ZNF626: variants seen among roughly 807,000 people sequenced by gnomAD.
ZNF626 encodes CTC-513N18.7.
Under a neutral mutation model 11.7 loss-of-function variants are expected in ZNF626, and 4 were observed. The observed-to-expected ratio is 0.34, with a 90% CI of 0.17 to 0.78. The LOEUF (loss-of-function observed/expected upper bound fraction) is 0.78. Ranked by LOEUF, ZNF626 falls within the 30% of genes least tolerant of loss-of-function variation. ZNF626 has a pLI of 0.57. For missense variants in ZNF626, 588 were observed against 587.1 expected (o/e 1.00, Z -0.01); for synonymous variants, 179 against 198.6 (o/e 0.90, Z 0.83).
intron 3 of ZNF626, among the ~76,000 whole-genome samples, chr19:20,641,617 T>TTTATTTTGAGA (rs1555771472): frequency 1.3e-5 from 2 of 152,128 alleles, no homozygotes; most frequent in Non-Finnish European, 2.9e-5. Context: ...TGAGACAGGG[T>TTTATTTTGAGA]CTCACTCTGT....
At chr19:20,635,290 G>A (rs1046276029) in intron 3 of ZNF626, among the ~76,000 whole-genome samples, 1 of 152,164 alleles carries the variant, frequency 6.6e-6, no homozygotes, top group South Asian at 2.1e-4. Flanking sequence ...TTCTAGTGAT[G>A]TTGCATAACA....
At chr19:20,646,198 G>T (rs1457016435) in intron 2 of ZNF626, 81 bp downstream of exon 2, 4 of 1,422,480 alleles carry the variant, frequency 2.8e-6, no homozygotes, top group East Asian at 2.6e-5. Context: ...TTTATGCAAA[G>T]AATAAATTAC....
chr19:20,645,292 A>T, intron 3 of ZNF626: 2 of 1,512,238 alleles, frequency 1.3e-6, no homozygotes, highest in South Asian at 1.3e-5. Context: ...GACATTTCAG[A>T]TCTGATGCAA....
chr19:20,634,064 G>A (rs543355061), intron 3 of ZNF626, among the ~76,000 whole-genome samples: 1 of 152,206 alleles, frequency 6.6e-6, no homozygotes, highest in African/African-American at 2.4e-5. Context: ...AAAAGACAAA[G>A]AAGGACATTA....
chr19:20,632,408 G>A (rs1568456567), intron 3 of ZNF626, among the ~76,000 whole-genome samples: 3 of 152,204 alleles, frequency 2.0e-5, no homozygotes, highest in South Asian at 4.1e-4. Flanking sequence ...CATTCTCCCC[G>A]TCACTTTTAG....
At chr19:20,646,804 G>GT (rs531044441) in intron 1 of ZNF626, among the ~76,000 whole-genome samples, 2,557 of 151,958 alleles carry the variant, frequency 0.017, 86 homozygotes, top group African/African-American at 0.06. Context: ...CGTTATGCAG[G>GT]TTTTTTTTCC....
rs8110802 is a variant in ZNF626 at position 20,625,608 on chromosome 19, C to G, written c.269G>C (p.Ser90Thr). The part of the protein sequence containing the change: ...HFAQDLWPEQ[S>T]MKDSFQKVVL... ...CACTTTTTGGAAAGAATCTTTCATG[C>G]TCTGCTCTGGCCAAAGGTCTTGGGC... The change falls in exon 4 of 4, where the codon AGC (serine) becomes ACC (threonine). Residue 90 changes from serine (S) to threonine (T), a missense_variant. By Grantham distance (58) the Ser-to-Thr change is moderately conservative. Coordinates refer to ENST00000601440, the MANE Select transcript of ZNF626 (RefSeq NM_001076675.3). 3.8e-6 allele frequency: 6 copies of G among 1,587,790 alleles called. No individual in the cohort carries two copies. Among genetic ancestry groups the G allele is most frequent in the East Asian group, 2.2e-5 (1 of 44,722 alleles).
At chr19:20,633,490 G>C (rs1274702211) in intron 3 of ZNF626, among the ~76,000 whole-genome samples, 1 of 151,324 alleles carries the variant, frequency 6.6e-6, no homozygotes, top group African/African-American at 2.4e-5. Flanking sequence ...CTCGGCAATG[G>C]TGGGCGCCCC....
rs542772694 is a variant in ZNF626, at chr19:20,623,971, G to C, written c.*319C>G. 4.1e-6 allele frequency: 2 copies of C among 492,392 alleles called. No homozygotes were observed. Among genetic ancestry groups the C allele is most frequent in the African/African-American group, 3.9e-5 (2 of 51,196 alleles). 30.5% of individuals were successfully genotyped at this position (492,392 alleles called of 1,614,324 possible). A position where few individuals can be genotyped will look rare whatever the true frequency, so the allele number is the denominator to read the frequency against. On this transcript the variant is annotated 3_prime_UTR_variant, in exon 4 of 4. Transcript: ENST00000601440. ...TATATTTCATATCAATTCTTAGTTA[G>C]AAATTGAGGGCTGGTTAAAAGATTT...
At chr19:20,626,896 C>T (rs778985891) in intron 3 of ZNF626, among the ~76,000 whole-genome samples, 5 of 151,904 alleles carry the variant, frequency 3.3e-5, no homozygotes, top group Non-Finnish European at 5.9e-5. Context: ...CCACCTGTAA[C>T]CCCAGCTACT....
intron 1 of ZNF626, among the ~76,000 whole-genome samples, chr19:20,660,626 G>A (rs1161177673): frequency 4.6e-5 from 7 of 152,128 alleles, no homozygotes; most frequent in Admixed American, 1.3e-4. Context: ...GTTTCACCAC[G>A]TTGGCCAGGC....
At chr19:20,640,558 CTTAA>C (rs1372142099) in intron 3 of ZNF626, among the ~76,000 whole-genome samples, 1 of 149,804 alleles carries the variant, frequency 6.7e-6, no homozygotes, top group Non-Finnish European at 1.5e-5. Flanking sequence ...TGATGAATAA[CTTAA>C]TTTAGAAATG....
At chr19:20,657,432 G>C (rs1235986630) in intron 1 of ZNF626, among the ~76,000 whole-genome samples, 3 of 151,864 alleles carry the variant, frequency 2.0e-5, no homozygotes, top group African/African-American at 7.3e-5. Context: ...AAACATCATG[G>C]AATACTCTGT....
chr19:20,632,842 T>C (rs1555770500), intron 3 of ZNF626, among the ~76,000 whole-genome samples: 1 of 152,192 alleles, frequency 6.6e-6, no homozygotes, highest in African/African-American at 2.4e-5. Flanking sequence ...CTGCGTTCCT[T>C]TGGAGGAAGA....
intron 1 of ZNF626, among the ~76,000 whole-genome samples, chr19:20,652,738 A>T (rs1970160870): frequency 6.6e-6 from 1 of 152,192 alleles, no homozygotes; most frequent in Admixed American, 6.5e-5. Context: ...AAAGTTTTTT[A>T]ATTCCCAAAT....
chr19:20,648,900 G>A (rs923857563), intron 1 of ZNF626, among the ~76,000 whole-genome samples: 3 of 152,160 alleles, frequency 2.0e-5, no homozygotes, highest in Non-Finnish European at 4.4e-5. Flanking sequence ...CTATGATGCG[G>A]AGAATAAGGA....
chr19:20,633,496 G>A (rs920559843), intron 3 of ZNF626, among the ~76,000 whole-genome samples: 5 of 151,418 alleles, frequency 3.3e-5, no homozygotes, highest in Admixed American at 6.6e-5. Context: ...AATGGTGGGC[G>A]CCCCTCGCCC....
In ZNF626 at chr19:20,636,646, A is replaced by C. The variant is rs77393882; in HGVS notation, c.226+9038T>G. ...GTAATACTCGATTCAAAATTATTTT[A>C]CTTCAAAAAGAATATAAAAATAAAG... On this transcript the variant is annotated intron_variant, in intron 3 of 3. Transcript: ENST00000601440. Among the ~76,000 whole-genome samples the C allele has an allele frequency of 7.8e-4, 119 of 152,240 alleles. 1 individual carries two copies. The East Asian group carries it at 0.022, about 28-fold the overall frequency.
At chr19:20,646,737 CAT>C (rs1473205268) in intron 1 of ZNF626, among the ~76,000 whole-genome samples, 1 of 152,106 alleles carries the variant, frequency 6.6e-6, no homozygotes, top group Admixed American at 6.5e-5. Flanking sequence ...ATGGAAAAGA[CAT>C]GTTTAGTTAG....
Sources: allele counts gnomAD v4.1 joint callset (sites outside exome capture counted in the v4.1 genomes callset), GRCh38; gene constraint gnomAD v4.1.1; transcripts MANE v1.5; gene names NCBI Gene and HGNC (gene_info 2026-07-23, HGNC 2026-07-21).